The following HCN1 variants were observed in gnomAD, a reference collection of about 807,000 sequenced individuals.
HCN1 encodes hyperpolarization activated cyclic nucleotide gated potassium channel 1.
A neutral mutation model predicts 78.9 loss-of-function variants in HCN1; 13 were observed. The observed-to-expected ratio is 0.16, with a 90% CI of 0.11 to 0.26. The LOEUF (loss-of-function observed/expected upper bound fraction) is 0.26, where lower values mean the gene tolerates loss of function less well. Ranked by LOEUF, HCN1 falls within the 10% of genes least tolerant of loss-of-function variation. The pLI, the probability that HCN1 is intolerant of heterozygous loss-of-function variation, is 1.00. For missense variants in HCN1, 810 were observed against 1,154.3 expected (o/e 0.70, Z 4.32); for synonymous variants, 552 against 455.5 (o/e 1.21, Z -2.70).
chr5:45,299,909 T>C (rs888331926), intron 6 of HCN1, among the ~76,000 whole-genome samples: 8 of 151,986 alleles, frequency 5.3e-5, no homozygotes, highest in African/African-American at 1.9e-4. Context: ...TGGACAGAGA[T>C]GACACACTAT....
rs751215219 is a variant in HCN1 at position 45,262,090 on chromosome 5, A to T, written c.2504T>A (p.Val835Asp). ...TCGGAAGAGGGTGACGCGCTGCGGG[A>T]CAGTGCTCCTGCCCCCTGCCTGAAG... ...TGLQAGGRST[V>D]PQRVTLFRQM... Residue 835 changes from valine to aspartate, a missense_variant, in exon 8 of 8, where the codon GTC becomes GAC. Around this residue, in one of 6 missense-constraint regions of HCN1, gnomAD observed 398 missense variants for 381.3 expected, o/e 1.04. Transcript: ENST00000303230. The T allele has an allele frequency of 1.2e-6, 2 of 1,613,114 alleles. No individual in the cohort carries two copies. The highest frequency in any genetic ancestry group is 4.5e-5 in the East Asian group (2 of 44,842).
At chr5:45,272,632 G>A (rs1033613637) in intron 6 of HCN1, among the ~76,000 whole-genome samples, 1 of 152,008 alleles carries the variant, frequency 6.6e-6, no homozygotes, top group East Asian at 1.9e-4. Flanking sequence ...CACCTGTTAG[G>A]CATCTTCCCT....
intron 6 of HCN1, among the ~76,000 whole-genome samples, chr5:45,283,961 A>G (rs1407179658): frequency 6.6e-6 from 1 of 152,188 alleles, no homozygotes; most frequent in African/African-American, 2.4e-5. Context: ...CTATGCAGCC[A>G]CAGAAAAGAA....
intron 2 of HCN1, among the ~76,000 whole-genome samples, chr5:45,536,300 T>A (rs1365417244): frequency 6.6e-6 from 1 of 152,178 alleles, no homozygotes; most frequent in African/African-American, 2.4e-5. Context: ...TCCTCTCTCA[T>A]CTTATTCTAG....
intron 2 of HCN1, among the ~76,000 whole-genome samples, chr5:45,591,390 T>C (rs1049647822): frequency 2.0e-5 from 3 of 152,178 alleles, no homozygotes; most frequent in Admixed American, 1.3e-4. Flanking sequence ...CTACCAGCAA[T>C]GAATGAGAGT....
chr5:45,502,078 G>T (rs1316311173), intron 2 of HCN1, among the ~76,000 whole-genome samples: 2 of 151,978 alleles, frequency 1.3e-5, no homozygotes, highest in African/African-American at 4.8e-5. Flanking sequence ...GTATTATTTG[G>T]ATAACTTCTT....
intron 5 of HCN1, among the ~76,000 whole-genome samples, chr5:45,332,162 G>A (rs144810886): frequency 1.3e-5 from 2 of 151,386 alleles, no homozygotes; most frequent in East Asian, 2.0e-4. Context: ...CCTAGCACAG[G>A]CATCTTTCTA....
chr5:45,275,743 T>C (rs1377087745), intron 6 of HCN1, among the ~76,000 whole-genome samples: 4 of 152,140 alleles, frequency 2.6e-5, no homozygotes, highest in African/African-American at 4.8e-5. Flanking sequence ...TGTTAGCCCA[T>C]GTGACATAAA....
intron 2 of HCN1, among the ~76,000 whole-genome samples, chr5:45,464,875 T>C (rs1439585444): frequency 6.6e-6 from 1 of 152,144 alleles, no homozygotes; most frequent in Non-Finnish European, 1.5e-5. Context: ...CATCTGTAGA[T>C]AGTCAGGTTA....
chr5:45,365,007 A>G (rs540681403), intron 4 of HCN1, among the ~76,000 whole-genome samples: 20 of 152,152 alleles, frequency 1.3e-4, no homozygotes, highest in South Asian at 2.1e-4. Flanking sequence ...TTTGCAGACC[A>G]TAAGCTTCCT....
At chr5:45,494,088 T>A (rs1319185751) in intron 2 of HCN1, among the ~76,000 whole-genome samples, 2 of 152,178 alleles carry the variant, frequency 1.3e-5, no homozygotes, top group African/African-American at 4.8e-5. Context: ...TATAGCAGCA[T>A]GATTTATAGT....
In HCN1 at chr5:45,377,449, AT is replaced by A. The variant is rs201251463; in HGVS notation, c.1230+19042del. On this transcript the variant is annotated intron_variant, in intron 4 of 7. Coordinates refer to ENST00000303230, the MANE Select transcript of HCN1 (RefSeq NM_021072.4). ...TGCTTCTTTCTTTGTGGTCTGATCT[AT>A]TTTTTAATATAACTTTTCAAATACT... is the stretch of plus-strand genomic sequence containing the variant. Among the ~76,000 whole-genome samples the A allele has an allele frequency of 9.4e-3, 1,428 of 152,000 alleles. 26 individuals carry two copies. The highest frequency in any genetic ancestry group is 0.034 in the African/African-American group (1,397 of 41,488).
At chr5:45,516,962 A>G (rs770837432) in intron 2 of HCN1, among the ~76,000 whole-genome samples, 1 of 152,022 alleles carries the variant, frequency 6.6e-6, no homozygotes, top group Admixed American at 6.6e-5. Flanking sequence ...GATAATATTC[A>G]GGAGCAGAAG....
chr5:45,363,826 T>C (rs1343050313), intron 4 of HCN1, among the ~76,000 whole-genome samples: 1 of 152,056 alleles, frequency 6.6e-6, no homozygotes, highest in Non-Finnish European at 1.5e-5. Flanking sequence ...CCTCCTGCCA[T>C]GATTCTGAAG....
intron 2 of HCN1, among the ~76,000 whole-genome samples, chr5:45,590,821 A>T (rs1744345634): frequency 6.6e-6 from 1 of 152,114 alleles, no homozygotes; most frequent in Non-Finnish European, 1.5e-5. Context: ...AGCTAGTTAC[A>T]TTGTATTGGT....
chr5:45,583,909 T>C (rs1485577199), intron 2 of HCN1, among the ~76,000 whole-genome samples: 2 of 152,216 alleles, frequency 1.3e-5, no homozygotes, highest in East Asian at 1.9e-4. Flanking sequence ...TGTTATAATT[T>C]CTGTTCTTTT....
intron 2 of HCN1, among the ~76,000 whole-genome samples, chr5:45,505,314 A>G (rs924367900): frequency 3.2e-4 from 48 of 152,114 alleles, no homozygotes; most frequent in Non-Finnish European, 5.0e-4. Flanking sequence ...TCAGCTTTCT[A>G]CATATGGCTA....
intron 3 of HCN1, among the ~76,000 whole-genome samples, chr5:45,407,645 AAGTAG>A (rs1252401784): frequency 1.3e-5 from 2 of 151,812 alleles, no homozygotes; most frequent in Non-Finnish European, 2.9e-5. Flanking sequence ...TCAGCCTCCC[AAGTAG>A]CTGGGATTAC....
rs532724931 is a variant in HCN1, at chr5:45,584,355, T to TAGGG, written c.849+60829_849+60830insCCCT. Among the ~76,000 whole-genome samples, 363 of 152,320 alleles carry TAGGG rather than the reference T, an allele frequency of 2.4e-3. 3 individuals carry two copies. Among genetic ancestry groups the TAGGG allele is most frequent in the African/African-American group, 8.2e-3 (340 of 41,558 alleles). ...TATCACAGACTAGGATTGCAACCCCTGCCTTTTTTTGTTTTCCATTGGCTT... is the reference window on the plus strand; with the variant it reads ...TATCACAGACTAGGATTGCAACCCCTAGGGGCCTTTTTTTGTTTTCCATTGGCTT... On this transcript the variant is annotated intron_variant, in intron 2 of 7. Coordinates refer to ENST00000303230, the MANE Select transcript of HCN1 (RefSeq NM_021072.4).
Sources: gnomAD v4.1 joint callset for allele counts (sites outside exome capture counted in the v4.1 genomes callset) on GRCh38, gnomAD v4.1.1 for gene constraint, gnomAD v4.1.1 regional missense constraint, MANE v1.5 for transcripts, NCBI Gene and HGNC (gene_info 2026-07-23, HGNC 2026-07-21) for gene names.